FER: variants seen among roughly 807,000 people sequenced by gnomAD.
FER encodes FER tyrosine kinase.
Under a neutral mutation model 111.0 loss-of-function variants are expected in FER, and 63 were observed. That is an observed-to-expected ratio of 0.57 (90% confidence interval 0.46 to 0.70). The LOEUF (loss-of-function observed/expected upper bound fraction) is 0.70, where lower values mean the gene tolerates loss of function less well. Among genes scored for constraint, FER ranks in the 30% least tolerant of loss-of-function variants. FER has a pLI of 0.00. For missense variants in FER, 914 were observed against 954.0 expected (o/e 0.96, Z 0.55); for synonymous variants, 327 against 313.9 (o/e 1.04, Z -0.44).
chr5:108,996,327 G>A (rs183003114), intron 13 of FER, among the ~76,000 whole-genome samples: 2 of 152,292 alleles, frequency 1.3e-5, no homozygotes, highest in African/African-American at 4.8e-5. Flanking sequence ...TAGTCCTGAA[G>A]TCTTTGCCCA....
chr5:109,024,803 G>T (rs933881636), intron 13 of FER, among the ~76,000 whole-genome samples: 1 of 152,056 alleles, frequency 6.6e-6, no homozygotes, highest in African/African-American at 2.4e-5. Flanking sequence ...TGTATAAGGT[G>T]TAAGGAAGGG....
chr5:108,803,406 A>G (rs1246064865), intron 3 of FER, among the ~76,000 whole-genome samples: 1 of 152,064 alleles, frequency 6.6e-6, no homozygotes, highest in Non-Finnish European at 1.5e-5. Context: ...ATTTCTTCCC[A>G]CAGCTGATAC....
intron 13 of FER, among the ~76,000 whole-genome samples, chr5:108,964,157 T>C (rs1378758361): frequency 1.3e-5 from 2 of 152,198 alleles, no homozygotes; most frequent in Non-Finnish European, 2.9e-5. Flanking sequence ...GTACTCACTC[T>C]GTGCTATGTT....
chr5:108,972,339 C>G (rs1760768946), intron 13 of FER, among the ~76,000 whole-genome samples: 1 of 151,962 alleles, frequency 6.6e-6, no homozygotes, highest in South Asian at 2.1e-4. Flanking sequence ...CCACATAACC[C>G]CTTATTCTTA....
At position 109,187,617 on chromosome 5, in the gene FER, C is replaced by T. The variant is rs1759030153; in HGVS notation, c.*42C>T. ...AACTCAGCCTTCAGGACTCTGTCCT[C>T]CAGCAGAGTAACATTATTGTTCTCA... On this transcript the variant is annotated 3_prime_UTR_variant, in exon 20 of 20. Transcript: ENST00000281092. The T allele has an allele frequency of 1.2e-6, 2 of 1,604,840 alleles. No individual in the cohort carries two copies. Among genetic ancestry groups the T allele is most frequent in the African/African-American group, 2.7e-5 (2 of 74,564 alleles).
At position 109,189,610 on chromosome 5, in the gene FER, C is replaced by T. The variant is rs188953315; in HGVS notation, c.*2035C>T. The T allele has an allele frequency of 9.8e-5, 15 of 152,298 alleles. No homozygotes were observed. In the East Asian group the frequency reaches 2.5e-3, roughly 25 times the overall value. The allele number at this position is 152,298 out of a possible 1,614,324, so 9.4% of individuals were successfully genotyped here. On this transcript the variant is annotated 3_prime_UTR_variant, in exon 20 of 20. Transcript: ENST00000281092. ...TCAGAAGTGCTATGGTATTGAGGCACTTACCAACCTTCAAAAGTAAGAGTA... is the reference window on the plus strand; with the variant it reads ...TCAGAAGTGCTATGGTATTGAGGCATTTACCAACCTTCAAAAGTAAGAGTA...
intron 13 of FER, among the ~76,000 whole-genome samples, chr5:109,012,986 G>C (rs895411693): frequency 6.6e-6 from 1 of 151,036 alleles, no homozygotes; most frequent in Non-Finnish European, 1.5e-5. Context: ...CGTGTGGAGC[G>C]GAATTACCTG....
intron 16 of FER, among the ~76,000 whole-genome samples, chr5:109,088,592 GA>G (rs1777819267): frequency 6.6e-6 from 1 of 152,056 alleles, no homozygotes; most frequent in African/African-American, 2.4e-5. Flanking sequence ...ATACAAAGAT[GA>G]AAAGTATTAT....
intron 11 of FER, among the ~76,000 whole-genome samples, chr5:108,950,165 A>G (rs1416071270): frequency 6.6e-6 from 1 of 152,132 alleles, no homozygotes; most frequent in Non-Finnish European, 1.5e-5. Flanking sequence ...GGAAATGGGA[A>G]GCTGTGGAGG....
intron 17 of FER, among the ~76,000 whole-genome samples, chr5:109,172,248 T>C (rs1247248658): frequency 6.6e-6 from 1 of 151,738 alleles, no homozygotes; most frequent in East Asian, 1.9e-4. Flanking sequence ...TGTCCAACAA[T>C]GATAGACTGG....
At chr5:109,053,753 C>T (rs532351458) in intron 16 of FER, among the ~76,000 whole-genome samples, 3 of 136,102 alleles carry the variant, frequency 2.2e-5, no homozygotes, top group Admixed American at 1.6e-4. Context: ...TGCAGTGGTG[C>T]GATCTTGGCT....
intron 16 of FER, among the ~76,000 whole-genome samples, chr5:109,053,878 T>G (rs1272535466): frequency 2.0e-5 from 3 of 151,810 alleles, no homozygotes; most frequent in Non-Finnish European, 2.9e-5. Flanking sequence ...TTTTTAGTAC[T>G]GACGGGGTTT....
rs777610954 is a variant in FER, at chr5:108,751,485, AC to A, written c.-206+3486del. Among the ~76,000 whole-genome samples, 10 of 152,278 alleles carry A rather than the reference AC, an allele frequency of 6.6e-5. No homozygotes were observed. In the East Asian group the frequency reaches 9.6e-4, roughly 15 times the overall value. On this transcript the variant is annotated intron_variant, in intron 1 of 19. Coordinates refer to ENST00000281092, the MANE Select transcript of FER (RefSeq NM_005246.4). ...TCTGATGAACTTGTTATACAAAAAA[AC>A]GTTTTGCTTCAAAATTGGACTCCTG... is the stretch of plus-strand genomic sequence containing the variant.
At chr5:108,949,412 A>T (rs2149636560) in intron 11 of FER, among the ~76,000 whole-genome samples, 1 of 152,194 alleles carries the variant, frequency 6.6e-6, no homozygotes, top group South Asian at 2.1e-4. Flanking sequence ...AAGAGTGATA[A>T]ACAAGGGAAA....
At chr5:109,180,375 A>G (rs1758163481) in intron 17 of FER, among the ~76,000 whole-genome samples, 1 of 152,232 alleles carries the variant, frequency 6.6e-6, no homozygotes, top group African/African-American at 2.4e-5. Flanking sequence ...GCAGGTGTCC[A>G]GCAGCACATG....
At chr5:108,967,956 G>A (rs1030080545) in intron 13 of FER, among the ~76,000 whole-genome samples, 1 of 152,134 alleles carries the variant, frequency 6.6e-6, no homozygotes, top group Non-Finnish European at 1.5e-5. Flanking sequence ...CTGGGGACCT[G>A]CCCCTATCTG....
At chr5:108,952,903 C>T (rs902289181) in intron 11 of FER, among the ~76,000 whole-genome samples, 3 of 151,940 alleles carry the variant, frequency 2.0e-5, no homozygotes, top group Non-Finnish European at 2.9e-5. Context: ...GGGATGCTTT[C>T]CTGTTACGTT....
intron 5 of FER, among the ~76,000 whole-genome samples, chr5:108,865,268 G>T (rs1303745138): frequency 4.6e-5 from 7 of 152,100 alleles, no homozygotes; most frequent in Non-Finnish European, 1.5e-5. Flanking sequence ...AGATGATGGG[G>T]TTTTCTAAAT....
At chr5:108,992,278 C>T (rs1251903516) in intron 13 of FER, among the ~76,000 whole-genome samples, 4 of 152,360 alleles carry the variant, frequency 2.6e-5, no homozygotes, top group Admixed American at 1.3e-4. Context: ...TCTACTTCTT[C>T]CTACACAGAC....
Sources: allele counts gnomAD v4.1 joint callset (sites outside exome capture counted in the v4.1 genomes callset), GRCh38; gene constraint gnomAD v4.1.1; transcripts MANE v1.5; gene names NCBI Gene and HGNC (gene_info 2026-07-23, HGNC 2026-07-21).